TBC1D22A: variants seen among roughly 807,000 people sequenced by gnomAD.
TBC1D22A encodes TBC1 domain family member 22A, also known as putative GTPase activator.
TBC1D22A carries 38 observed loss-of-function variants against 60.2 expected under a neutral mutation model. The ratio of observed to expected loss-of-function variants is 0.63; its 90% CI spans 0.49 to 0.83. TBC1D22A has a LOEUF of 0.83. Among genes scored for constraint, TBC1D22A ranks in the 40% least tolerant of loss-of-function variants. The pLI, the probability that TBC1D22A is intolerant of heterozygous loss-of-function variation, is 0.00. For synonymous variants in TBC1D22A, 302 were observed against 281.7 expected, an observed-to-expected ratio of 1.07 and a Z score of -0.72; for missense variants, 628 against 701.0, an observed-to-expected ratio of 0.90 and a Z score of 1.18.
chr22:46,818,861 T>C (rs2085709690), intron 4 of TBC1D22A, among the ~76,000 whole-genome samples: 2 of 150,084 alleles, frequency 1.3e-5, no homozygotes, highest in South Asian at 4.4e-4. Context: ...TTCTTCCCAT[T>C]GATGAGGATG....
In TBC1D22A at chr22:46,984,133, G is replaced by A. The variant is rs529126282; in HGVS notation, c.1125+9734G>A. ...TGTAATCCCAGCACTTTGGGAGGCC[G>A]AAGTGGGTGGATCACCTGAGGTCAG... On this transcript the variant is annotated intron_variant, in intron 9 of 12. Coordinates refer to ENST00000337137, the MANE Select transcript of TBC1D22A (RefSeq NM_014346.5). 2.9e-3 allele frequency among the ~76,000 whole-genome samples: 437 copies of A among 152,022 alleles called. 1 individual carries two copies. The highest frequency in any genetic ancestry group is 5.0e-3 in the Non-Finnish European group (341 of 67,956).
At chr22:47,048,724 G>T (rs985577006) in intron 11 of TBC1D22A, among the ~76,000 whole-genome samples, 1 of 152,178 alleles carries the variant, frequency 6.6e-6, no homozygotes, top group Non-Finnish European at 1.5e-5. Flanking sequence ...GTGTTCCTGT[G>T]CAGGGTGGGA....
chr22:47,010,805 A>G (rs993165716), intron 10 of TBC1D22A, among the ~76,000 whole-genome samples: 1 of 133,182 alleles, frequency 7.5e-6, no homozygotes, highest in Non-Finnish European at 1.6e-5. Flanking sequence ...CATTTTTGGG[A>G]AGAGGGATGC....
chr22:47,166,973 GGACAAGGAGGA>G (rs2068233247), intron 12 of TBC1D22A, among the ~76,000 whole-genome samples: 1 of 152,186 alleles, frequency 6.6e-6, no homozygotes, highest in South Asian at 2.1e-4. Context: ...CTGCCCAGCC[GGACAAGGAGGA>G]TCCAGCATGA....
At chr22:46,805,939 G>A (rs958732522) in intron 4 of TBC1D22A, among the ~76,000 whole-genome samples, 18 of 151,666 alleles carry the variant, frequency 1.2e-4, no homozygotes, top group African/African-American at 3.9e-4. Context: ...TGCAGCCTCC[G>A]CCTCCCAGGT....
chr22:47,077,999 G>GC (rs1266976129), intron 11 of TBC1D22A, among the ~76,000 whole-genome samples: 1 of 152,098 alleles, frequency 6.6e-6, no homozygotes, highest in Non-Finnish European at 1.5e-5. Flanking sequence ...GCCTTGCCTT[G>GC]CCCAGCAGCA....
chr22:46,984,623 A>C (rs1220186348), intron 9 of TBC1D22A, among the ~76,000 whole-genome samples: 3 of 152,224 alleles, frequency 2.0e-5, no homozygotes, highest in Non-Finnish European at 2.9e-5. Context: ...GAAAAGAACC[A>C]TTGCCTTTTA....
chr22:46,987,753 G>A (rs1226322949), intron 9 of TBC1D22A, among the ~76,000 whole-genome samples: 1 of 152,192 alleles, frequency 6.6e-6, no homozygotes. Flanking sequence ...ACTGATCAGG[G>A]TGGTGGTTGC....
intron 12 of TBC1D22A, among the ~76,000 whole-genome samples, chr22:47,130,428 G>A (rs563577234): frequency 1.1e-4 from 16 of 152,298 alleles, no homozygotes; most frequent in African/African-American, 3.4e-4. Flanking sequence ...AATGAGCCTG[G>A]CAGGGACCTA....
intron 8 of TBC1D22A, among the ~76,000 whole-genome samples, chr22:46,951,470 T>G (rs2072898850): frequency 2.6e-5 from 4 of 152,136 alleles, no homozygotes; most frequent in Admixed American, 2.6e-4. Flanking sequence ...CCCGGGGCAG[T>G]GAGTACTGAA....
At chr22:46,849,886 A>G (rs1602142546) in intron 4 of TBC1D22A, among the ~76,000 whole-genome samples, 2 of 151,998 alleles carry the variant, frequency 1.3e-5, no homozygotes, top group Admixed American at 1.3e-4. Context: ...CTTTGTCTTC[A>G]CTTTAGTTCT....
intron 7 of TBC1D22A, 85 bp downstream of exon 7, chr22:46,894,931 G>A: frequency 6.7e-7 from 1 of 1,493,522 alleles, no homozygotes; most frequent in Non-Finnish European, 9.3e-7. Flanking sequence ...CGCAGCCGGA[G>A]GTGCTTCACC....
In TBC1D22A at chr22:47,173,506, G is replaced by T; in HGVS notation, c.1434G>T (p.Leu478=). 1 of 1,614,016 alleles carries T rather than the reference G, an allele frequency of 6.2e-7. No homozygotes were observed. Among genetic ancestry groups the T allele is most frequent in the South Asian group, 1.1e-5 (1 of 91,088 alleles). The change falls in exon 13 of 13, where the codon CTG becomes CTT. Residue 478 remains leucine (L), a synonymous_variant. Transcript: ENST00000337137. ...ILEEKDFQEL[L]LFLQNLPTAH... is the part of the protein sequence containing the mutation. ...TGTCTCTTTCTCCCCAGGAGCTGCT[G>T]CTCTTCCTCCAGAACCTGCCCACAG...
chr22:47,010,349 C>T (rs910620637), intron 10 of TBC1D22A, among the ~76,000 whole-genome samples: 5 of 152,194 alleles, frequency 3.3e-5, no homozygotes, highest in South Asian at 2.1e-4. Context: ...CCCTGGCTCT[C>T]GTCCTCATTA....
In TBC1D22A at chr22:46,974,236, C is replaced by T. The variant is rs1255886974; in HGVS notation, c.1016-54C>T. ...TTCCTCCGTGGGCCCCCTCGTGGGT[C>T]GAGGTCCCGTGTGGCTAAGTCTCCT... On this transcript the variant is annotated intron_variant, in intron 8 of 12. Transcript: ENST00000337137. 2.1e-5 allele frequency: 31 copies of T among 1,482,704 alleles called. No individual in the cohort carries two copies. The East Asian group carries it at 2.2e-4, about 11-fold the overall frequency. The allele number at this position is 1,482,704 out of a possible 1,614,324, so 91.8% of individuals were successfully genotyped here. A position where few individuals can be genotyped will look rare whatever the true frequency, so the allele number is the denominator to read the frequency against.
chr22:46,814,782 G>C (rs1398960509), intron 4 of TBC1D22A, among the ~76,000 whole-genome samples: 2 of 151,332 alleles, frequency 1.3e-5, no homozygotes, highest in Non-Finnish European at 2.9e-5. Context: ...AGTAGCTGGG[G>C]TTACAGGCCG....
At chr22:47,032,674 G>A (rs955806378) in intron 10 of TBC1D22A, among the ~76,000 whole-genome samples, 2 of 152,236 alleles carry the variant, frequency 1.3e-5, no homozygotes, top group Admixed American at 6.5e-5. Context: ...CAGCATTGGA[G>A]AACCTTCAGA....
chr22:46,993,044 T>A (rs1341906406), intron 9 of TBC1D22A, among the ~76,000 whole-genome samples: 2 of 152,208 alleles, frequency 1.3e-5, no homozygotes, highest in Non-Finnish European at 2.9e-5. Flanking sequence ...GGTGGATCCC[T>A]GGTCCAGGTG....
chr22:46,941,228 C>CACACACACACAA (rs2072026679), intron 8 of TBC1D22A, among the ~76,000 whole-genome samples: 1 of 143,854 alleles, frequency 7.0e-6, no homozygotes, highest in African/African-American at 2.6e-5. Flanking sequence ...CACACACACA[C>CACACACACACAA]ACACACACAG....
Sources: allele counts gnomAD v4.1 joint callset (sites outside exome capture counted in the v4.1 genomes callset), GRCh38; gene constraint gnomAD v4.1.1; transcripts MANE v1.5; gene names NCBI Gene and HGNC (gene_info 2026-07-23, HGNC 2026-07-21).